RGS6: variants seen among roughly 807,000 people sequenced by gnomAD.
RGS6 encodes regulator of G-protein signaling 6.
Under a neutral mutation model 78.5 loss-of-function variants are expected in RGS6, and 30 were observed. The ratio of observed to expected loss-of-function variants is 0.38; its 90% CI spans 0.29 to 0.52. RGS6 has a LOEUF of 0.52. Among genes scored for constraint, RGS6 ranks in the 20% least tolerant of loss-of-function variants. The pLI is 0.85. For missense variants in RGS6, 495 were observed against 609.7 expected, an observed-to-expected ratio of 0.81 and a Z score of 1.98; for synonymous variants, 206 against 206.0, an observed-to-expected ratio of 1.00 and a Z score of 0.00.
chr14:72,225,414 C>T (rs969178193), intron 2 of RGS6, among the ~76,000 whole-genome samples: 8 of 152,122 alleles, frequency 5.3e-5, no homozygotes, highest in African/African-American at 1.9e-4. Context: ...ACTCAACTTC[C>T]CTGGGCTCAG....
At chr14:72,345,144 C>T (rs556794577) in intron 2 of RGS6, among the ~76,000 whole-genome samples, 2 of 152,266 alleles carry the variant, frequency 1.3e-5, no homozygotes, top group East Asian at 3.9e-4. Flanking sequence ...GGAATGAGTG[C>T]AGCTGTTCCC....
chr14:71,900,130 G>A, the RGS6 span, among the ~76,000 whole-genome samples: 2 of 152,178 alleles, frequency 1.3e-5, no homozygotes, highest in African/African-American at 4.8e-5. Flanking sequence ...TTTGGGAAAA[G>A]GAGAGAAGCA....
chr14:71,950,732 A>G (rs1175790709), intron 1 of RGS6, among the ~76,000 whole-genome samples: 2 of 152,202 alleles, frequency 1.3e-5, no homozygotes, highest in Non-Finnish European at 2.9e-5. Context: ...AAACAACCCA[A>G]TTAAAAAGTG....
chr14:72,414,675 T>C (rs991402518), intron 3 of RGS6, among the ~76,000 whole-genome samples: 1 of 152,184 alleles, frequency 6.6e-6, no homozygotes, highest in Non-Finnish European at 1.5e-5. Context: ...GCTCTTTTTT[T>C]CCCCCATCTT....
intron 2 of RGS6, among the ~76,000 whole-genome samples, chr14:72,144,911 T>G (rs2096587964): frequency 6.6e-6 from 1 of 152,158 alleles, no homozygotes. Flanking sequence ...GAAATCAGTC[T>G]CCTGAAGCAT....
At chr14:72,159,438 A>G (rs1567341102) in intron 2 of RGS6, among the ~76,000 whole-genome samples, 3 of 152,350 alleles carry the variant, frequency 2.0e-5, no homozygotes, top group East Asian at 3.9e-4. Flanking sequence ...AGGACCTCAA[A>G]GCAGAACTTT....
chr14:72,018,501 C>T (rs1431735290), intron 2 of RGS6, among the ~76,000 whole-genome samples: 1 of 152,198 alleles, frequency 6.6e-6, no homozygotes, highest in African/African-American at 2.4e-5. Context: ...TCAGATTGGG[C>T]ATTTCCGGAC....
At chr14:71,874,252 T>C in the RGS6 span, among the ~76,000 whole-genome samples, 3 of 152,032 alleles carry the variant, frequency 2.0e-5, no homozygotes, top group South Asian at 2.1e-4. Context: ...ATTTTCACGA[T>C]ATTGATTCTT....
At chr14:71,925,075 T>C in the RGS6 span, among the ~76,000 whole-genome samples, 1 of 152,176 alleles carries the variant, frequency 6.6e-6, no homozygotes, top group Non-Finnish European at 1.5e-5. Flanking sequence ...TGCCAACACT[T>C]GTTATGTTTT....
the RGS6 span, among the ~76,000 whole-genome samples, chr14:72,596,147 A>C: frequency 1.3e-5 from 2 of 152,230 alleles, no homozygotes; most frequent in South Asian, 4.1e-4. Context: ...AAGCCCCTAA[A>C]GTCAAGGTAT....
At chr14:72,086,924 A>G (rs916270845) in intron 2 of RGS6, among the ~76,000 whole-genome samples, 3 of 152,184 alleles carry the variant, frequency 2.0e-5, no homozygotes, top group Non-Finnish European at 4.4e-5. Flanking sequence ...GAATAGTTGT[A>G]GCTAATGAGC....
chr14:71,980,357 C>T (rs1472316609), intron 2 of RGS6, among the ~76,000 whole-genome samples: 11 of 149,786 alleles, frequency 7.3e-5, no homozygotes, highest in African/African-American at 1.5e-4. Flanking sequence ...TTCCTAGTCT[C>T]GATGGTCTTT....
intron 2 of RGS6, among the ~76,000 whole-genome samples, chr14:72,030,115 CATATT>C (rs1322907738): frequency 3.9e-5 from 6 of 152,056 alleles, no homozygotes; most frequent in Non-Finnish European, 7.3e-5. Flanking sequence ...ATTAATGACA[CATATT>C]ATAATTGTTA....
At chr14:72,480,849 C>T (rs2096361750) in intron 12 of RGS6, among the ~76,000 whole-genome samples, 1 of 152,162 alleles carries the variant, frequency 6.6e-6, no homozygotes, top group Admixed American at 6.5e-5. Context: ...CAGGAAACCG[C>T]ATCCCCCAGG....
At chr14:72,302,563 CCT>C (rs2066313997) in intron 2 of RGS6, among the ~76,000 whole-genome samples, 1 of 152,158 alleles carries the variant, frequency 6.6e-6, no homozygotes, top group Non-Finnish European at 1.5e-5. Context: ...ACTCATATCT[CCT>C]CTGATGTTTT....
At chr14:71,874,446 T>C in the RGS6 span, among the ~76,000 whole-genome samples, 16 of 152,234 alleles carry the variant, frequency 1.1e-4, no homozygotes, top group African/African-American at 2.4e-4. Flanking sequence ...CTCTGTTTGT[T>C]TGTTGGTGGT....
chr14:72,487,699 C>G (rs2096514997), intron 12 of RGS6, among the ~76,000 whole-genome samples: 1 of 152,304 alleles, frequency 6.6e-6, no homozygotes, highest in East Asian at 1.9e-4. Flanking sequence ...ATGAATTCTT[C>G]CCTAGAGCCT....
chr14:72,060,766 G>A (rs991998164), intron 2 of RGS6, among the ~76,000 whole-genome samples: 3 of 152,178 alleles, frequency 2.0e-5, no homozygotes, highest in Non-Finnish European at 2.9e-5. Context: ...AGGCCCTGGC[G>A]ATGGGAGCTT....
Position 72,495,291 on chromosome 14 carries a change from G to C in RGS6, c.965+29G>C, listed in dbSNP as rs572529716. The stretch of plus-strand genomic sequence containing the variant: ...AAAAATGTTTTAAGGTTTGGGAGTG[G>C]GATGAATGTAGACAAAAATCCATGA... On this transcript the variant is annotated intron_variant, in intron 13 of 17. Coordinates refer to ENST00000553525, the MANE Select transcript of RGS6 (RefSeq NM_001204424.2). 3.2e-4 allele frequency: 440 copies of C among 1,368,308 alleles called. 5 individuals carry two copies. The South Asian group carries it at 4.9e-3, about 15-fold the overall frequency. The allele number at this position is 1,368,308 out of a possible 1,614,324, so 84.8% of individuals were successfully genotyped here. A position where few individuals can be genotyped will look rare whatever the true frequency, so the allele number is the denominator to read the frequency against.
Sources: allele counts gnomAD v4.1 joint callset (sites outside exome capture counted in the v4.1 genomes callset), GRCh38; gene constraint gnomAD v4.1.1; transcripts MANE v1.5; gene names NCBI Gene and HGNC (gene_info 2026-07-23, HGNC 2026-07-21).